Variants in ANO3 observed in about 807,000 individuals in gnomAD.
ANO3 encodes the protein anoctamin-3.
A neutral mutation model predicts 144.8 loss-of-function variants in ANO3; 99 were observed. The ratio of observed to expected loss-of-function variants is 0.68; its 90% CI spans 0.58 to 0.81. ANO3 has a LOEUF of 0.81. Ranked by LOEUF, ANO3 falls within the 30% of genes least tolerant of loss-of-function variation. The probability of loss-of-function intolerance (pLI) is 0.00; values close to 1 mark genes in which losing one functional copy is unlikely to be tolerated. For missense variants in ANO3, 905 were observed against 1,202.2 expected, an observed-to-expected ratio of 0.75 and a Z score of 3.66; for synonymous variants, 414 against 392.6, an observed-to-expected ratio of 1.05 and a Z score of -0.64.
chr11:26,508,435 T>C, intron 5 of ANO3, 173 bp downstream of exon 5: 1 of 542,092 alleles, frequency 1.8e-6, no homozygotes, highest in East Asian at 3.4e-5. Context: ...TATTCACTTT[T>C]TAATCTATAT....
intron 1 of ANO3, among the ~76,000 whole-genome samples, chr11:26,426,361 C>T (rs1370523443): frequency 3.3e-5 from 5 of 152,122 alleles, no homozygotes; most frequent in South Asian, 2.1e-4. Context: ...GTGCTATTCA[C>T]GTAAGTGTGA....
rs761837933 is a variant in ANO3 at position 26,565,719 on chromosome 11, A to G, written c.1447+5940A>G. 5.6e-6 allele frequency: 9 copies of G among 1,613,194 alleles called. No individual in the cohort carries two copies. The highest frequency in any genetic ancestry group is 6.8e-6 in the Non-Finnish European group (8 of 1,179,524). On this transcript the variant is annotated intron_variant, in intron 14 of 26. Coordinates refer to ENST00000256737, the MANE Select transcript of ANO3 (RefSeq NM_031418.4). Reference sequence around the variant, plus strand: ...TAAGTTTGCTTCACTTTCCAAAGAAATAGGTTTATTTTCCATTGTTTTAAA... The same window carrying G: ...TAAGTTTGCTTCACTTTCCAAAGAAGTAGGTTTATTTTCCATTGTTTTAAA...
At chr11:26,487,611 T>G (rs1432411853) in intron 4 of ANO3, among the ~76,000 whole-genome samples, 2 of 151,982 alleles carry the variant, frequency 1.3e-5, no homozygotes, top group African/African-American at 2.4e-5. Context: ...TAAAGACTGG[T>G]TAAGTGGCTT....
intron 14 of ANO3, among the ~76,000 whole-genome samples, chr11:26,594,430 C>T (rs908426814): frequency 4.6e-5 from 7 of 152,304 alleles, no homozygotes; most frequent in Middle Eastern, 3.4e-3. Context: ...CTCTCCATGT[C>T]AGATCAAAGG....
At chr11:26,656,249 A>C in intron 25 of ANO3, 44 bp downstream of exon 25, 1 of 1,553,182 alleles carries the variant, frequency 6.4e-7, no homozygotes, top group Non-Finnish European at 8.9e-7. Context: ...CACCATTCCA[A>C]GTACTCCCCC....
At chr11:26,565,316 G>T in intron 14 of ANO3, 1 of 1,610,918 alleles carries the variant, frequency 6.2e-7, no homozygotes, top group Non-Finnish European at 8.5e-7. Context: ...CTATCAAGGG[G>T]GTCACAGATG....
At chr11:26,230,797 CAAAAAAAAAAAAAAAAAAA>C (rs1168180646) in intron 1 of ANO3, among the ~76,000 whole-genome samples, 118 of 11,324 alleles carry the variant, frequency 0.01, no homozygotes, top group East Asian at 0.054. Context: ...ACTCCATCTC[CAAAAAAAAAAAAAAAAAAA>C]AAAAAAAAAA....
At chr11:26,610,433 A>G (rs1470794933) in intron 17 of ANO3, among the ~76,000 whole-genome samples, 2 of 149,842 alleles carry the variant, frequency 1.3e-5, no homozygotes, top group Non-Finnish European at 2.9e-5. Context: ...AAGTCCCTAT[A>G]TATTCTGCAC....
chr11:26,428,718 T>C (rs1857990995), intron 1 of ANO3, among the ~76,000 whole-genome samples: 1 of 105,940 alleles, frequency 9.4e-6, no homozygotes, highest in African/African-American at 3.4e-5. Flanking sequence ...AATTTGTTCC[T>C]TGTAGAATTT....
At chr11:26,519,704 G>A (rs1861993484) in intron 6 of ANO3, among the ~76,000 whole-genome samples, 1 of 152,032 alleles carries the variant, frequency 6.6e-6, no homozygotes, top group African/African-American at 2.4e-5. Flanking sequence ...CTTCCCAAAG[G>A]CCCCACCTCC....
intron 3 of ANO3, chr11:26,460,055 T>G (rs1442929784): frequency 4.4e-6 from 2 of 449,486 alleles, no homozygotes; most frequent in African/African-American, 4.0e-5. Context: ...TTTTCAACAT[T>G]AGAGATCAGA....
At chr11:26,560,870 G>C (rs1850260493) in intron 14 of ANO3, 1 of 500,774 alleles carries the variant, frequency 2.0e-6, no homozygotes, top group South Asian at 3.3e-5. Flanking sequence ...GCCTCAGGAT[G>C]GCCAAAAATT....
At chr11:26,643,806 A>T (rs2133065499) in intron 23 of ANO3, among the ~76,000 whole-genome samples, 1 of 152,162 alleles carries the variant, frequency 6.6e-6, no homozygotes, top group East Asian at 1.9e-4. Context: ...TGAGGGAGTG[A>T]CTTCATTCTC....
intron 14 of ANO3, chr11:26,561,269 A>G: frequency 1.4e-6 from 2 of 1,457,116 alleles, no homozygotes; most frequent in Non-Finnish European, 1.8e-6. Flanking sequence ...TGATACTCTG[A>G]AAGATTCATG....
chr11:26,268,535 A>G (rs1186752927), intron 1 of ANO3, among the ~76,000 whole-genome samples: 2 of 152,180 alleles, frequency 1.3e-5, no homozygotes, highest in Non-Finnish European at 2.9e-5. Context: ...TTGAAAAAAA[A>G]CAAAAGTATC....
intron 1 of ANO3, 138 bp downstream of exon 1, chr11:26,332,459 AAT>A: frequency 2.4e-6 from 2 of 844,908 alleles, no homozygotes; most frequent in Admixed American, 2.6e-5. Context: ...AAAAAAAAAA[AAT>A]TAAATTCCTC....
chr11:26,320,605 T>C (rs1854734968), intron 1 of ANO3, among the ~76,000 whole-genome samples: 1 of 152,208 alleles, frequency 6.6e-6, no homozygotes, highest in African/African-American at 2.4e-5. Context: ...TTCTTGGTTG[T>C]CTAATAGTTT....
intron 6 of ANO3, among the ~76,000 whole-genome samples, chr11:26,519,556 T>C (rs1033078740): frequency 6.6e-6 from 1 of 152,186 alleles, no homozygotes; most frequent in African/African-American, 2.4e-5. Flanking sequence ...GCTGGAAGTC[T>C]GAGATCAAAG....
At chr11:26,248,632 G>A (rs980618016) in intron 1 of ANO3, among the ~76,000 whole-genome samples, 1 of 152,160 alleles carries the variant, frequency 6.6e-6, no homozygotes, top group Non-Finnish European at 1.5e-5. Context: ...ATTGGATTAT[G>A]TATGCAGATG....
Sources: allele counts gnomAD v4.1 joint callset (sites outside exome capture counted in the v4.1 genomes callset), GRCh38; gene constraint gnomAD v4.1.1; transcripts MANE v1.5; gene names NCBI Gene and HGNC (gene_info 2026-07-23, HGNC 2026-07-21).